Variants in ARHGAP26 observed in about 807,000 individuals in gnomAD.
ARHGAP26 encodes the protein Rho GTPase activating protein 26.
ARHGAP26 carries 38 observed loss-of-function variants against 104.8 expected under a neutral mutation model. The ratio of observed to expected loss-of-function variants is 0.36; its 90% CI spans 0.28 to 0.48. ARHGAP26 has a LOEUF of 0.48. Among genes scored for constraint, ARHGAP26 ranks in the 20% least tolerant of loss-of-function variants. The pLI, the probability that ARHGAP26 is intolerant of heterozygous loss-of-function variation, is 0.99. For missense variants in ARHGAP26, 704 were observed against 947.9 expected, an observed-to-expected ratio of 0.74 and a Z score of 3.38; for synonymous variants, 341 against 340.0, an observed-to-expected ratio of 1.00 and a Z score of -0.03.
chr5:143,077,722 G>A (rs1185692953), intron 17 of ARHGAP26, among the ~76,000 whole-genome samples: 2 of 152,252 alleles, frequency 1.3e-5, no homozygotes, highest in African/African-American at 4.8e-5. Flanking sequence ...GGTCTGAAAT[G>A]TCTGACTGTT....
At chr5:143,189,428 C>T (rs1599432000) in intron 20 of ARHGAP26, among the ~76,000 whole-genome samples, 1 of 152,176 alleles carries the variant, frequency 6.6e-6, no homozygotes, top group East Asian at 1.9e-4. Flanking sequence ...CACCCACACA[C>T]CCTCCCCACC....
intron 8 of ARHGAP26, among the ~76,000 whole-genome samples, chr5:142,905,446 A>C (rs1044367239): frequency 6.6e-6 from 1 of 152,142 alleles, no homozygotes; most frequent in Admixed American, 6.5e-5. Flanking sequence ...AATTTCAGAC[A>C]TACAGAAAAG....
At chr5:142,948,269 T>C (rs1044797063) in intron 11 of ARHGAP26, among the ~76,000 whole-genome samples, 1 of 152,002 alleles carries the variant, frequency 6.6e-6, no homozygotes, top group Admixed American at 6.6e-5. Context: ...CAGGAATTGG[T>C]TGGGAAGTTT....
chr5:143,202,388 C>T (rs1390701105), intron 20 of ARHGAP26: 5 of 152,004 alleles, frequency 3.3e-5, no homozygotes, highest in Non-Finnish European at 5.9e-5. Flanking sequence ...AGGAAAACTA[C>T]AGACCACTGC....
chr5:142,949,328 T>TTCCTCTC (rs2067142), intron 11 of ARHGAP26, among the ~76,000 whole-genome samples: 47,515 of 150,166 alleles, frequency 0.32, 8,539 homozygotes, highest in East Asian at 0.73. Context: ...GATGAATATG[T>TTCCTCTC]TCCTCTCTAT....
At chr5:142,795,511 G>A (rs1192100415) in intron 1 of ARHGAP26, among the ~76,000 whole-genome samples, 1 of 152,116 alleles carries the variant, frequency 6.6e-6, no homozygotes, top group East Asian at 1.9e-4. Context: ...TTCATTTCTG[G>A]TGTGTTCAGG....
chr5:143,143,232 G>A (rs113452371), intron 19 of ARHGAP26, among the ~76,000 whole-genome samples: 1 of 152,110 alleles, frequency 6.6e-6, no homozygotes, highest in Non-Finnish European at 1.5e-5. Context: ...AGACCTGTTC[G>A]GGCCTGCCAA....
chr5:142,966,909 A>G (rs1041832400), intron 11 of ARHGAP26, among the ~76,000 whole-genome samples: 1 of 152,228 alleles, frequency 6.6e-6, no homozygotes, highest in Non-Finnish European at 1.5e-5. Flanking sequence ...TACAACCATA[A>G]ATACTGAATG....
chr5:143,116,971 G>C (rs1334021506), intron 17 of ARHGAP26, among the ~76,000 whole-genome samples: 2 of 152,210 alleles, frequency 1.3e-5, no homozygotes, highest in Non-Finnish European at 2.9e-5. Flanking sequence ...TCTCCCAAGT[G>C]AATATCACAT....
intron 1 of ARHGAP26, among the ~76,000 whole-genome samples, chr5:142,801,233 C>T (rs1347508602): frequency 6.6e-6 from 1 of 152,214 alleles, no homozygotes; most frequent in African/African-American, 2.4e-5. Flanking sequence ...TTGTGTTTTA[C>T]ACATCTAGTT....
At chr5:142,913,342 A>G (rs1304316447) in intron 10 of ARHGAP26, 49 bp downstream of exon 10, 4 of 1,536,956 alleles carry the variant, frequency 2.6e-6, no homozygotes, top group Non-Finnish European at 3.6e-6. Flanking sequence ...CTGAATTTCT[A>G]TATCTTACTT....
At chr5:143,014,261 C>A in intron 12 of ARHGAP26, 145 bp downstream of exon 12, 1 of 821,688 alleles carries the variant, frequency 1.2e-6, no homozygotes, top group South Asian at 1.5e-5. Flanking sequence ...CATGCCTCCA[C>A]CCCAACTTTC....
rs1458620897 is a variant in ARHGAP26, at chr5:143,214,014, CAA to C, written c.2120_2121del (p.Lys707SerfsTer8). 1 of 1,593,350 alleles carries C rather than the reference CAA, an allele frequency of 6.3e-7. No individual in the cohort carries two copies. Among genetic ancestry groups the C allele is most frequent in the Non-Finnish European group, 8.6e-7 (1 of 1,165,748 alleles). On this transcript the variant is annotated frameshift_variant, in exon 22 of 23. Coordinates refer to ENST00000645722, the MANE Select transcript of ARHGAP26 (RefSeq NM_001135608.3). LOFTEE classifies it high-confidence loss of function. ...TCACACAGCACACCGTTCCGGAAGG[CAA>C]AAGCCTTGTATGCCTGCAAAGCTGA... is the stretch of plus-strand genomic sequence containing the variant.
At chr5:142,823,118 A>G (rs906758865) in intron 1 of ARHGAP26, among the ~76,000 whole-genome samples, 2 of 152,220 alleles carry the variant, frequency 1.3e-5, no homozygotes, top group African/African-American at 2.4e-5. Flanking sequence ...TGAGTTTCTT[A>G]TAAAGTAACT....
Position 143,207,181 on chromosome 5 carries a change from G to T in ARHGAP26, c.1989-17G>T. The stretch of plus-strand genomic sequence containing the variant: ...TCCCTGTGTGCTGACAAGTTTTCTG[G>T]TTGTTATGTCTTGCAGCCCCCCGAA... On this transcript the variant is annotated splice_polypyrimidine_tract_variant and intron_variant, in intron 20 of 22. Coordinates refer to ENST00000645722, the MANE Select transcript of ARHGAP26 (RefSeq NM_001135608.3). The T allele has an allele frequency of 1.2e-6, 2 of 1,609,626 alleles. No individual in the cohort carries two copies. Among genetic ancestry groups the T allele is most frequent in the Non-Finnish European group, 1.7e-6 (2 of 1,177,548 alleles).
At chr5:142,990,434 C>T (rs1034754890) in intron 11 of ARHGAP26, among the ~76,000 whole-genome samples, 8 of 151,876 alleles carry the variant, frequency 5.3e-5, no homozygotes, top group Non-Finnish European at 7.4e-5. Context: ...TTATTCTTAC[C>T]GATCATCTCA....
intron 11 of ARHGAP26, among the ~76,000 whole-genome samples, chr5:143,006,690 A>G (rs1028818872): frequency 3.3e-5 from 5 of 152,146 alleles, no homozygotes; most frequent in Non-Finnish European, 7.4e-5. Flanking sequence ...CACATTTCTG[A>G]TGGGAGGAGG....
intron 10 of ARHGAP26, among the ~76,000 whole-genome samples, chr5:142,913,529 A>C (rs1424979591): frequency 6.6e-6 from 1 of 151,992 alleles, no homozygotes; most frequent in East Asian, 1.9e-4. Context: ...TTTTGGGTTC[A>C]GCACTGAATC....
At chr5:142,801,704 G>A (rs1387686184) in intron 1 of ARHGAP26, among the ~76,000 whole-genome samples, 1 of 135,136 alleles carries the variant, frequency 7.4e-6, no homozygotes, top group East Asian at 2.5e-4. Flanking sequence ...CCCAGCCCCC[G>A]CCTTTGGCTG....
Sources: gnomAD v4.1 joint callset for allele counts (sites outside exome capture counted in the v4.1 genomes callset) on GRCh38, gnomAD v4.1.1 for gene constraint, MANE v1.5 for transcripts, NCBI Gene and HGNC (gene_info 2026-07-23, HGNC 2026-07-21) for gene names.